SFMBT1: variants seen among roughly 807,000 people sequenced by gnomAD.
SFMBT1 encodes Scm like with four mbt domains 1, also known as scm-like with four MBT domains protein 1.
A neutral mutation model predicts 108.7 loss-of-function variants in SFMBT1; 32 were observed. That is an observed-to-expected ratio of 0.29 (90% CI 0.22 to 0.40). SFMBT1 has a LOEUF of 0.40. SFMBT1 is among the 10% of genes least tolerant of loss of function. The probability of loss-of-function intolerance (pLI) is 1.00; values close to 1 mark genes in which losing one functional copy is unlikely to be tolerated. For missense variants in SFMBT1, 816 were observed against 1,059.6 expected (o/e 0.77, Z 3.19); for synonymous variants, 348 against 369.5 (o/e 0.94, Z 0.67).
At chr3:52,963,247 G>A (rs1207190762) in intron 2 of SFMBT1, among the ~76,000 whole-genome samples, 1 of 151,804 alleles carries the variant, frequency 6.6e-6, no homozygotes, top group East Asian at 1.9e-4. Context: ...CGCCCGCCTC[G>A]CCCTTCCAAA....
intron 1 of SFMBT1, among the ~76,000 whole-genome samples, chr3:53,045,579 A>C (rs1391574133): frequency 7.2e-6 from 1 of 139,302 alleles, no homozygotes; most frequent in African/African-American, 2.6e-5. Flanking sequence ...GGCGCGCGGG[A>C]CCGCGGGGCC....
Position 52,932,048 on chromosome 3 carries a change from C to T in SFMBT1, c.700+14G>A, listed in dbSNP as rs759279828. 14 of 1,610,740 alleles carry T rather than the reference C, an allele frequency of 8.7e-6. No homozygotes were observed. The East Asian group carries it at 2.5e-4, about 28-fold the overall frequency. On this transcript the variant is annotated intron_variant, in intron 6 of 20. Transcript: ENST00000394752. ...GTTAATGTCACAGAAGAAAAATGTC[C>T]TATTACTCTTCACCTGAAGGGGGCT...
At chr3:53,014,091 G>A (rs888607537) in intron 1 of SFMBT1, among the ~76,000 whole-genome samples, 3 of 152,106 alleles carry the variant, frequency 2.0e-5, no homozygotes, top group Admixed American at 6.6e-5. Flanking sequence ...ACTCAAAGAA[G>A]TTATTTAACT....
chr3:52,963,289 G>A (rs1021003716), intron 2 of SFMBT1, among the ~76,000 whole-genome samples: 16 of 151,610 alleles, frequency 1.1e-4, no homozygotes, highest in Non-Finnish European at 1.6e-4. Flanking sequence ...CCCACCGCCC[G>A]GCCAATTTTG....
chr3:52,906,281 G>A lies in SFMBT1; in HGVS notation c.2332-40C>T, dbSNP rs1371797005. On this transcript the variant is annotated intron_variant, in intron 19 of 20. Coordinates refer to ENST00000394752, the MANE Select transcript of SFMBT1 (RefSeq NM_016329.4). ...ACACAATCAAACCAAATGGTGTTAC[G>A]GCTATTTTATTCTAAAAAAGTCTCT... is the stretch of plus-strand genomic sequence containing the variant. The A allele has an allele frequency of 7.4e-6, 12 of 1,612,772 alleles. 1 individual carries two copies. The South Asian group carries it at 7.7e-5, about 10-fold the overall frequency.
At chr3:53,028,154 G>A (rs886942612) in intron 1 of SFMBT1, among the ~76,000 whole-genome samples, 8 of 152,078 alleles carry the variant, frequency 5.3e-5, no homozygotes, top group Non-Finnish European at 4.4e-5. Flanking sequence ...GCAGTGGCTC[G>A]AACACAGCTC....
chr3:52,995,003 CAAGA>C (rs536013982), intron 1 of SFMBT1, among the ~76,000 whole-genome samples: 21 of 120,794 alleles, frequency 1.7e-4, no homozygotes, highest in African/African-American at 3.9e-4. Context: ...ACTGTAGCAT[CAAGA>C]AAGAAAGAAA....
At chr3:52,907,816 C>CA (rs1287542540) in intron 17 of SFMBT1, 83 bp from the exon 18 acceptor site, 4 of 1,252,924 alleles carry the variant, frequency 3.2e-6, no homozygotes, top group African/African-American at 1.5e-5. Context: ...ATTAGCATAG[C>CA]AAAAAACAGG....
At chr3:52,912,692 A>T (rs750839819) in intron 15 of SFMBT1, 45 bp from the exon 16 acceptor site, 4 of 1,396,256 alleles carry the variant, frequency 2.9e-6, no homozygotes, top group Non-Finnish European at 4.1e-6. Flanking sequence ...GAAGGAGAAA[A>T]GCAGACCATT....
intron 1 of SFMBT1, among the ~76,000 whole-genome samples, chr3:53,004,564 G>A (rs574184919): frequency 1.3e-5 from 2 of 149,990 alleles, no homozygotes; most frequent in Admixed American, 6.7e-5. Flanking sequence ...GAGCCACCAC[G>A]CCTGGCCATT....
chr3:52,940,414 CG>C (rs1575388677), intron 4 of SFMBT1, among the ~76,000 whole-genome samples: 1 of 152,084 alleles, frequency 6.6e-6, no homozygotes, highest in East Asian at 1.9e-4. Context: ...TACAGTAGCC[CG>C]CTTGAAGGGG....
At chr3:52,932,440 C>T in intron 5 of SFMBT1, 132 bp from the exon 6 acceptor site, 1 of 814,710 alleles carries the variant, frequency 1.2e-6, no homozygotes, top group Non-Finnish European at 1.9e-6. Flanking sequence ...ACTAAATTGT[C>T]TATCATCATA....
At chr3:52,987,286 T>TGG (rs1704958122) in intron 1 of SFMBT1, among the ~76,000 whole-genome samples, 1 of 152,218 alleles carries the variant, frequency 6.6e-6, no homozygotes, top group Non-Finnish European at 1.5e-5. Flanking sequence ...ACCACAGTTA[T>TGG]ATATTATGAT....
rs150409053 is a variant in SFMBT1, at chr3:52,973,881, T to C, written c.-130-4623A>G. On this transcript the variant is annotated intron_variant, in intron 1 of 20. Transcript: ENST00000394752. The stretch of plus-strand genomic sequence containing the variant: ...TGATCCGCCTGCCTCAGCCCTCCCA[T>C]CTTGTTTTATATTACACATACAAGT... Among the ~76,000 whole-genome samples, 11 of 152,332 alleles carry C rather than the reference T, an allele frequency of 7.2e-5. No homozygotes were observed. In the East Asian group the frequency reaches 1.3e-3, roughly 19 times the overall value.
At chr3:52,934,125 G>T (rs999718055) in intron 5 of SFMBT1, among the ~76,000 whole-genome samples, 1 of 152,068 alleles carries the variant, frequency 6.6e-6, no homozygotes, top group African/African-American at 2.4e-5. Flanking sequence ...TTACAGAAAT[G>T]TAAATCAAAA....
chr3:52,941,885 C>T (rs1292508875), intron 4 of SFMBT1, among the ~76,000 whole-genome samples: 1 of 151,944 alleles, frequency 6.6e-6, no homozygotes, highest in African/African-American at 2.4e-5. Flanking sequence ...GCTGACAGAG[C>T]GAGATTCTGT....
chr3:52,975,160 A>G (rs2106869217), intron 1 of SFMBT1, among the ~76,000 whole-genome samples: 1 of 152,342 alleles, frequency 6.6e-6, no homozygotes, highest in East Asian at 1.9e-4. Flanking sequence ...CCTAAACTGG[A>G]AAAAAAGAAA....
At chr3:53,000,428 CT>C in intron 1 of SFMBT1, among the ~76,000 whole-genome samples, 1 of 150,004 alleles carries the variant, frequency 6.7e-6, no homozygotes, top group South Asian at 2.1e-4. Flanking sequence ...AGTGTGGTCA[CT>C]GTATTGTGAT....
intron 1 of SFMBT1, among the ~76,000 whole-genome samples, chr3:52,981,368 G>A (rs1173894977): frequency 6.7e-6 from 1 of 149,518 alleles, no homozygotes; most frequent in African/African-American, 2.5e-5. Flanking sequence ...ATAGGTTTCT[G>A]TGGAATTTTT....
Sources: allele counts gnomAD v4.1 joint callset (sites outside exome capture counted in the v4.1 genomes callset), GRCh38; gene constraint gnomAD v4.1.1; transcripts MANE v1.5; gene names NCBI Gene and HGNC (gene_info 2026-07-23, HGNC 2026-07-21).